TCP11L1: variants seen among roughly 807,000 people sequenced by gnomAD.
TCP11L1 encodes T-complex protein 11-like protein 1.
TCP11L1 carries 28 observed loss-of-function variants against 48.9 expected under a neutral mutation model. That is an observed-to-expected ratio of 0.57 (90% CI 0.42 to 0.78). The LOEUF (loss-of-function observed/expected upper bound fraction) is 0.78. Ranked by LOEUF, TCP11L1 falls within the 30% of genes least tolerant of loss-of-function variation. TCP11L1 has a pLI of 0.00. For synonymous variants in TCP11L1, 204 were observed against 231.9 expected (o/e 0.88, Z 1.09); for missense variants, 505 against 613.4 (o/e 0.82, Z 1.87).
chr11:33,053,857 T>A (rs555515412), intron 2 of TCP11L1, among the ~76,000 whole-genome samples: 1 of 152,214 alleles, frequency 6.6e-6, no homozygotes, highest in African/African-American at 2.4e-5. Flanking sequence ...TGAGACAGAG[T>A]CTTGCTCTGT....
In TCP11L1 at chr11:33,072,710, C is replaced by G. The variant is rs372403047; in HGVS notation, c.*34C>G. On this transcript the variant is annotated 3_prime_UTR_variant, in exon 10 of 10. Transcript: ENST00000334274. ...CACCCTACAGCAGCAGTATTACTCA[C>G]TAGCCACAGAATACCTGTTCTGTAC... 171 of 1,610,258 alleles carry G rather than the reference C, an allele frequency of 1.1e-4. No homozygotes were observed. In the African/African-American group the frequency reaches 2.1e-3, roughly 20 times the overall value.
At chr11:33,047,697 C>T (rs778921346) in intron 2 of TCP11L1, among the ~76,000 whole-genome samples, 2 of 152,192 alleles carry the variant, frequency 1.3e-5, no homozygotes, top group Non-Finnish European at 2.9e-5. Flanking sequence ...TTATTGAGTG[C>T]ATACTGTATG....
chr11:33,044,076 A>G (rs1436253322), intron 2 of TCP11L1, 140 bp downstream of exon 2: 2 of 812,222 alleles, frequency 2.5e-6, no homozygotes, highest in Admixed American at 3.3e-5. Context: ...GAATAATAGC[A>G]GTTCCTCAGC....
At position 33,061,735 on chromosome 11, in the gene TCP11L1, C is replaced by T. The variant is rs772532769; in HGVS notation, c.972+9C>T. The T allele has an allele frequency of 1.1e-5, 17 of 1,583,116 alleles. No homozygotes were observed. The East Asian group carries it at 3.6e-4, about 34-fold the overall frequency. ...AGAGGCCGTTCCCCGAAGTAGGTCT[C>T]CTGAGCCATCTCACTACTCATATTT... On this transcript the variant is annotated intron_variant, in intron 7 of 9. Transcript: ENST00000334274.
chr11:33,043,784 A>G lies in TCP11L1; in HGVS notation c.11A>G (p.Asn4Ser). 1 of 1,606,098 alleles carries G rather than the reference A, an allele frequency of 6.2e-7. No homozygotes were observed. The highest frequency in any genetic ancestry group is 8.5e-7 in the Non-Finnish European group (1 of 1,178,000). The change falls in exon 2 of 10, where the codon AAC becomes AGC. Residue 4 changes from asparagine to serine, a missense_variant. This residue lies in a region of TCP11L1 where 168 missense variants were observed against 183.5 expected (regional missense o/e 0.92). Transcript: ENST00000334274. The stretch of plus-strand genomic sequence containing the variant: ...TAAACTTAATTGAGAATGTCTGAAA[A>G]CCTTGACAAGTCCAATGTAAATGAA... Reference protein sequence around the residue: MSENLDKSNVNEAG... With the variant: MSESLDKSNVNEAG...
At chr11:33,055,294 GTCAGGA>G (rs767677350) in intron 3 of TCP11L1, among the ~76,000 whole-genome samples, 2 of 152,338 alleles carry the variant, frequency 1.3e-5, no homozygotes, top group Admixed American at 6.5e-5. Context: ...GCTCACCAAA[GTCAGGA>G]TTCTGGATGG....
chr11:33,048,061 G>T (rs1854050990), intron 2 of TCP11L1, among the ~76,000 whole-genome samples: 3 of 152,026 alleles, frequency 2.0e-5, no homozygotes, highest in Non-Finnish European at 4.4e-5. Context: ...ACCTAATATG[G>T]TTTTCAGTTT....
At chr11:33,067,901 T>G (rs1854664107) in intron 8 of TCP11L1, among the ~76,000 whole-genome samples, 1 of 151,844 alleles carries the variant, frequency 6.6e-6, no homozygotes, top group Non-Finnish European at 1.5e-5. Context: ...ATTCTTTTAT[T>G]TTTTAAAAAT....
intron 2 of TCP11L1, among the ~76,000 whole-genome samples, chr11:33,049,248 C>CAA (rs3078634): frequency 0.33 from 41,392 of 127,196 alleles, 7,065 homozygotes; most frequent in East Asian, 0.44. Flanking sequence ...GACTCCGTCT[C>CAA]AAAAAAAAAA....
At chr11:33,070,273 C>T (rs989331427) in intron 9 of TCP11L1, among the ~76,000 whole-genome samples, 8 of 149,930 alleles carry the variant, frequency 5.3e-5, no homozygotes, top group Non-Finnish European at 1.0e-4. Flanking sequence ...AGAGCAAGAC[C>T]CTGTTTCTAA....
chr11:33,071,907 A>G (rs939597774), intron 9 of TCP11L1, among the ~76,000 whole-genome samples: 1 of 151,898 alleles, frequency 6.6e-6, no homozygotes, highest in Non-Finnish European at 1.5e-5. Context: ...GTGCAATGGC[A>G]TGATCTCAGC....
At chr11:33,040,954 C>T (rs914495204) in intron 1 of TCP11L1, 1 of 152,182 alleles carries the variant, frequency 6.6e-6, no homozygotes, top group African/African-American at 2.4e-5. Context: ...CATTATGGCT[C>T]CTTGTAAGCC....
chr11:33,044,002 C>A, intron 2 of TCP11L1, 66 bp downstream of exon 2: 1 of 1,452,216 alleles, frequency 6.9e-7, no homozygotes. Context: ...TTTTATGAGG[C>A]CTCCTTGTGC....
Position 33,048,092 on chromosome 11 carries a change from G to A in TCP11L1, c.163+4156G>A, listed in dbSNP as rs141138312. Among the ~76,000 whole-genome samples the A allele has an allele frequency of 2.6e-3, 396 of 152,240 alleles. 1 individual carries two copies. Among genetic ancestry groups the A allele is most frequent in the African/African-American group, 9.0e-3 (373 of 41,538 alleles). ...AGTTTCTCTAACAGGGCATCAGTGCGCAAATGCTGTAACAAAATAACAAAA... is the reference window on the plus strand; with the variant it reads ...AGTTTCTCTAACAGGGCATCAGTGCACAAATGCTGTAACAAAATAACAAAA... On this transcript the variant is annotated intron_variant, in intron 2 of 9. Transcript: ENST00000334274.
At chr11:33,065,679 TTA>T (rs1854594254) in intron 7 of TCP11L1, 149 bp from the exon 8 acceptor site, 1 of 835,024 alleles carries the variant, frequency 1.2e-6, no homozygotes, top group East Asian at 2.5e-5. Flanking sequence ...GATAGAGGGG[TTA>T]TTTCACACCA....
At chr11:33,046,379 T>A (rs1853994641) in intron 2 of TCP11L1, among the ~76,000 whole-genome samples, 1 of 152,292 alleles carries the variant, frequency 6.6e-6, no homozygotes, top group Non-Finnish European at 1.5e-5. Flanking sequence ...GATTCCAAAT[T>A]AATGTCAAAC....
chr11:33,072,807 A>T lies in TCP11L1; in HGVS notation c.*131A>T. 1.0e-6 allele frequency: 1 copy of T among 968,026 alleles called. No individual in the cohort carries two copies. The highest frequency in any genetic ancestry group is 1.6e-6 in the Non-Finnish European group (1 of 639,622). 60.0% of individuals were successfully genotyped at this position (968,026 alleles called of 1,614,324 possible). A position where few individuals can be genotyped will look rare whatever the true frequency, so the allele number is the denominator to read the frequency against. ...CAGCACCGATTCCAAAGGGAAGAAT[A>T]TTGTGTATCACTGTTGAAAAGACTT... On this transcript the variant is annotated 3_prime_UTR_variant, in exon 10 of 10. Transcript: ENST00000334274.
intron 4 of TCP11L1, 66 bp downstream of exon 4, chr11:33,057,301 T>C: frequency 6.2e-7 from 1 of 1,602,790 alleles, no homozygotes; most frequent in Non-Finnish European, 8.5e-7. Context: ...ACTTCTTGTG[T>C]CACCACCAGA....
At chr11:33,058,419 G>A (rs1293590977) in intron 5 of TCP11L1, among the ~76,000 whole-genome samples, 3 of 151,838 alleles carry the variant, frequency 2.0e-5, no homozygotes, top group East Asian at 3.9e-4. Flanking sequence ...GGCTGGTCTC[G>A]AACTCCTGAC....
Sources: gnomAD v4.1 joint callset for allele counts (sites outside exome capture counted in the v4.1 genomes callset) on GRCh38, gnomAD v4.1.1 for gene constraint, gnomAD v4.1.1 regional missense constraint, MANE v1.5 for transcripts, NCBI Gene and HGNC (gene_info 2026-07-23, HGNC 2026-07-21) for gene names.